MAP2: variants seen among roughly 807,000 people sequenced by gnomAD.
The protein encoded by MAP2 is microtubule-associated protein 2.
In MAP2, 14 loss-of-function variants were observed where a neutral mutation model predicts 137.6. The observed-to-expected ratio is 0.10, with a 90% CI of 0.07 to 0.16. MAP2 has a LOEUF of 0.16. Among genes scored for constraint, MAP2 ranks in the 10% least tolerant of loss-of-function variants. MAP2 has a pLI of 1.00. For synonymous variants in MAP2, 786 were observed against 782.3 expected, an observed-to-expected ratio of 1.00 and a Z score of -0.08; for missense variants, 2,088 against 2,191.5, an observed-to-expected ratio of 0.95 and a Z score of 0.94.
intron 1 of MAP2, among the ~76,000 whole-genome samples, chr2:209,458,428 T>G: frequency 6.6e-6 from 1 of 152,166 alleles, no homozygotes; most frequent in Admixed American, 6.5e-5. Context: ...GAGGTAGAAA[T>G]AATATCGAGA....
chr2:209,474,985 A>G (rs1295957956), intron 1 of MAP2, among the ~76,000 whole-genome samples: 1 of 151,974 alleles, frequency 6.6e-6, no homozygotes, highest in Non-Finnish European at 1.5e-5. Flanking sequence ...TCACTCTAGT[A>G]TTATTCTTGA....
chr2:209,435,017 A>G (rs2149329997), intron 1 of MAP2, among the ~76,000 whole-genome samples: 1 of 149,288 alleles, frequency 6.7e-6, no homozygotes, highest in Non-Finnish European at 1.5e-5. Flanking sequence ...TCTTGGAATT[A>G]TATCCAAAAT....
chr2:209,427,611 A>G (rs1692932652), intron 1 of MAP2, among the ~76,000 whole-genome samples: 1 of 152,178 alleles, frequency 6.6e-6, no homozygotes, highest in Admixed American at 6.5e-5. Context: ...TGGTTTCAGT[A>G]ATGTTACTCT....
chr2:209,679,272 G>A (rs1455424072), intron 6 of MAP2, among the ~76,000 whole-genome samples: 1 of 151,906 alleles, frequency 6.6e-6, no homozygotes, highest in African/African-American at 2.4e-5. Flanking sequence ...GTCATTTAAC[G>A]CATGCTTGCC....
At chr2:209,485,013 A>G (rs2058202235) in intron 1 of MAP2, among the ~76,000 whole-genome samples, 1 of 152,244 alleles carries the variant, frequency 6.6e-6, no homozygotes, top group Non-Finnish European at 1.5e-5. Context: ...GACACACAAC[A>G]GAAGTTAGTA....
chr2:209,601,210 AT>A (rs982593004), intron 3 of MAP2, among the ~76,000 whole-genome samples: 1 of 152,130 alleles, frequency 6.6e-6, no homozygotes, highest in Non-Finnish European at 1.5e-5. Flanking sequence ...TACATTTAAA[AT>A]TTTTATTTTT....
At chr2:209,476,813 C>T (rs1035007380) in intron 1 of MAP2, among the ~76,000 whole-genome samples, 1 of 152,048 alleles carries the variant, frequency 6.6e-6, no homozygotes, top group Non-Finnish European at 1.5e-5. Context: ...CTTTCTTATA[C>T]TAAATTAAAC....
chr2:209,503,576 A>AT (rs2060659007), intron 1 of MAP2, among the ~76,000 whole-genome samples: 1 of 151,964 alleles, frequency 6.6e-6, no homozygotes, highest in South Asian at 2.1e-4. Context: ...TTTTGGGTTG[A>AT]TTTTTGTGCA....
At chr2:209,551,300 C>T (rs2069124418) in intron 2 of MAP2, among the ~76,000 whole-genome samples, 2 of 152,104 alleles carry the variant, frequency 1.3e-5, no homozygotes, top group Admixed American at 1.3e-4. Flanking sequence ...TGGTGCACTT[C>T]TTCCTCACTT....
chr2:209,681,915 A>G (rs1183768498), intron 7 of MAP2, among the ~76,000 whole-genome samples: 1 of 152,112 alleles, frequency 6.6e-6, no homozygotes, highest in East Asian at 1.9e-4. Flanking sequence ...AATTTATTTT[A>G]GCAAGGTTTT....
At chr2:209,507,077 G>A (rs1003913445) in intron 1 of MAP2, among the ~76,000 whole-genome samples, 52 of 151,976 alleles carry the variant, frequency 3.4e-4, no homozygotes, top group Admixed American at 2.0e-3. Flanking sequence ...ATATTTCTGG[G>A]ATCTCTTTTA....
At chr2:209,713,354 C>T (rs1440125409) in intron 13 of MAP2, among the ~76,000 whole-genome samples, 4 of 152,134 alleles carry the variant, frequency 2.6e-5, no homozygotes, top group Non-Finnish European at 5.9e-5. Flanking sequence ...GCTATCTCTT[C>T]TGTTAAGGTC....
chr2:209,516,849 G>A (rs1410087775), intron 2 of MAP2, among the ~76,000 whole-genome samples: 4 of 152,036 alleles, frequency 2.6e-5, no homozygotes, highest in Non-Finnish European at 5.9e-5. Context: ...TATGTTAGAG[G>A]GGTGTACTGG....
chr2:209,546,266 C>A (rs556749876), intron 2 of MAP2, among the ~76,000 whole-genome samples: 1 of 152,232 alleles, frequency 6.6e-6, no homozygotes, highest in South Asian at 2.1e-4. Flanking sequence ...GTATGTATAT[C>A]TCTGTATACA....
At chr2:209,605,866 A>C (rs951914376) in intron 3 of MAP2, among the ~76,000 whole-genome samples, 1 of 152,152 alleles carries the variant, frequency 6.6e-6, no homozygotes, top group Non-Finnish European at 1.5e-5. Flanking sequence ...TGCAATTTAA[A>C]TTAACAGTTG....
chr2:209,661,712 G>T, intron 5 of MAP2: 1 of 983,762 alleles, frequency 1.0e-6, no homozygotes, highest in East Asian at 1.1e-4. Flanking sequence ...GTCCTATGTG[G>T]TCTCTCTACT....
intron 2 of MAP2, among the ~76,000 whole-genome samples, chr2:209,536,034 T>C (rs1432330843): frequency 6.6e-6 from 1 of 152,196 alleles, no homozygotes; most frequent in Non-Finnish European, 1.5e-5. Flanking sequence ...TTTCTTAGAA[T>C]GAGACAGATT....
chr2:209,725,395 G>GTGTT (rs2073520592), intron 13 of MAP2, among the ~76,000 whole-genome samples: 2 of 152,170 alleles, frequency 1.3e-5, no homozygotes, highest in African/African-American at 4.8e-5. Flanking sequence ...AGGTTAAACA[G>GTGTT]TGTTGCTTAG....
chr2:209,434,925 T>C (rs1412499085), intron 1 of MAP2, among the ~76,000 whole-genome samples: 1 of 143,344 alleles, frequency 7.0e-6, no homozygotes, highest in Non-Finnish European at 1.5e-5. Context: ...ATATGTTATA[T>C]ATATATGTTA....
Sources: allele counts gnomAD v4.1 joint callset (sites outside exome capture counted in the v4.1 genomes callset), GRCh38; gene constraint gnomAD v4.1.1; transcripts MANE v1.5; gene names NCBI Gene and HGNC (gene_info 2026-07-23, HGNC 2026-07-21).